Variants in EIF2AK3 observed in about 807,000 individuals in gnomAD.
The protein encoded by EIF2AK3 is eukaryotic translation initiation factor 2-alpha kinase 3.
EIF2AK3 carries 50 observed loss-of-function variants against 113.5 expected under a neutral mutation model. That is an observed-to-expected ratio of 0.44 (90% confidence interval 0.35 to 0.56). The LOEUF is 0.56. Ranked by LOEUF, EIF2AK3 falls within the 20% of genes least tolerant of loss-of-function variation. The pLI is 0.00. For missense variants in EIF2AK3, 1,185 were observed against 1,378.0 expected (o/e 0.86, Z 2.22); for synonymous variants, 448 against 495.4 (o/e 0.90, Z 1.27).
At chr2:88,573,164 GT>G (rs1220414587) in intron 13 of EIF2AK3, among the ~76,000 whole-genome samples, 4 of 143,794 alleles carry the variant, frequency 2.8e-5, no homozygotes, top group Non-Finnish European at 4.5e-5. Context: ...AAAAGGAATT[GT>G]CTTCTATTTA....
chr2:88,592,270 T>C (rs1674906749), intron 4 of EIF2AK3, among the ~76,000 whole-genome samples: 2 of 152,136 alleles, frequency 1.3e-5, no homozygotes, highest in Admixed American at 1.3e-4. Context: ...AACAGAAAGG[T>C]ATTAGGCTAA....
At chr2:88,619,284 C>T (rs1311385768) in intron 1 of EIF2AK3, among the ~76,000 whole-genome samples, 1 of 152,168 alleles carries the variant, frequency 6.6e-6, no homozygotes, top group Admixed American at 6.5e-5. Context: ...AGCCACCGTG[C>T]CCGGCCTCAC....
Position 88,579,583 on chromosome 2 carries a change from A to G in EIF2AK3, c.1821T>C (p.Val607=), listed in dbSNP as rs764494796. ...QCLGRGGFGV[V]FEAKNKVDDC... ...CATCTACTTTGTTTTTAGCTTCAAAAACAACTCCAAAGCCACCACGTCCCA... is the reference window on the plus strand; with the variant it reads ...CATCTACTTTGTTTTTAGCTTCAAAGACAACTCCAAAGCCACCACGTCCCA... Residue 607 remains valine, a synonymous_variant, in exon 11 of 17, where the codon GTT becomes GTC. Transcript: ENST00000303236. 4 of 1,613,858 alleles carry G rather than the reference A, an allele frequency of 2.5e-6. No homozygotes were observed. Among genetic ancestry groups the G allele is most frequent in the Non-Finnish European group, 3.4e-6 (4 of 1,179,846 alleles).
chr2:88,571,134 A>G, intron 13 of EIF2AK3, 93 bp from the exon 14 acceptor site: 1 of 1,387,328 alleles, frequency 7.2e-7, no homozygotes, highest in Non-Finnish European at 1.0e-6. Context: ...GAAAAAATAC[A>G]ACAAACTAGA....
Position 88,579,644 on chromosome 2 carries a change from T to C in EIF2AK3, c.1764-4A>G. On this transcript the variant is annotated splice_polypyrimidine_tract_variant and splice_region_variant and intron_variant, in intron 10 of 16. Coordinates refer to ENST00000303236, the MANE Select transcript of EIF2AK3 (RefSeq NM_004836.7). ...TGGCTCAAAATCAGTTAGATATCTT[T>C]AAAAAGAGATAAAATTTATAAAGGT... The C allele has an allele frequency of 1.9e-6, 3 of 1,612,150 alleles. No individual in the cohort carries two copies. The highest frequency in any genetic ancestry group is 2.5e-6 in the Non-Finnish European group (3 of 1,178,842).
At chr2:88,565,318 CA>C in intron 14 of EIF2AK3, among the ~76,000 whole-genome samples, 1 of 148,748 alleles carries the variant, frequency 6.7e-6, no homozygotes, top group South Asian at 2.1e-4. Flanking sequence ...TTACAGGTGT[CA>C]GCCACCATGC....
intron 2 of EIF2AK3, among the ~76,000 whole-genome samples, chr2:88,602,756 T>C (rs1314865796): frequency 6.6e-6 from 1 of 151,486 alleles, no homozygotes; most frequent in Non-Finnish European, 1.5e-5. Context: ...AACAATGAGA[T>C]CACATGGACA....
chr2:88,564,946 C>A (rs1317419608), intron 14 of EIF2AK3, among the ~76,000 whole-genome samples: 2 of 151,978 alleles, frequency 1.3e-5, no homozygotes, highest in South Asian at 2.1e-4. Context: ...GATAGAATTC[C>A]TTTTATTTGT....
chr2:88,598,745 C>T (rs867741173), intron 2 of EIF2AK3, among the ~76,000 whole-genome samples: 3 of 152,070 alleles, frequency 2.0e-5, no homozygotes, highest in Admixed American at 2.0e-4. Flanking sequence ...ACTGACAAAA[C>T]TTGCATATGG....
At chr2:88,573,169 C>A (rs1558647220) in intron 13 of EIF2AK3, among the ~76,000 whole-genome samples, 1 of 144,932 alleles carries the variant, frequency 6.9e-6, no homozygotes, top group African/African-American at 2.6e-5. Context: ...GAATTGTCTT[C>A]TATTTAGAAA....
intron 10 of EIF2AK3, among the ~76,000 whole-genome samples, chr2:88,582,881 A>G (rs1674633302): frequency 6.6e-6 from 1 of 152,178 alleles, no homozygotes; most frequent in Non-Finnish European, 1.5e-5. Context: ...AATAAACCAT[A>G]ACACCATTTC....
intron 2 of EIF2AK3, among the ~76,000 whole-genome samples, chr2:88,602,784 C>T (rs1047301941): frequency 1.3e-5 from 2 of 151,658 alleles, no homozygotes; most frequent in Non-Finnish European, 2.9e-5. Context: ...GGGAACAACA[C>T]ATACTGGGGC....
intron 12 of EIF2AK3, 110 bp downstream of exon 12, chr2:88,576,444 C>G: frequency 6.8e-7 from 1 of 1,471,120 alleles, no homozygotes; most frequent in Non-Finnish European, 9.2e-7. Context: ...AACAACAGAA[C>G]TCTGCTGTTC....
intron 8 of EIF2AK3, among the ~76,000 whole-genome samples, chr2:88,587,263 AT>A (rs200997341): frequency 1.1e-3 from 168 of 146,506 alleles, no homozygotes; most frequent in African/African-American, 3.1e-3. Context: ...GTTCAGAGCC[AT>A]TTTTTTTTAA....
intron 7 of EIF2AK3, among the ~76,000 whole-genome samples, chr2:88,588,474 G>A (rs1336528267): frequency 2.6e-5 from 4 of 152,112 alleles, no homozygotes; most frequent in Admixed American, 2.6e-4. Flanking sequence ...TATGTTAAGC[G>A]CTAAATGTTA....
At position 88,627,096 on chromosome 2, in the gene EIF2AK3, G is replaced by C. The variant is rs1456887978; in HGVS notation, c.179C>G (p.Pro60Arg). The C allele has an allele frequency of 5.2e-6, 8 of 1,547,732 alleles. No individual in the cohort carries two copies. The East Asian group carries it at 7.3e-5, about 14-fold the overall frequency. The change falls in exon 1 of 17, where the codon CCG becomes CGG. Residue 60 changes from proline to arginine, a missense_variant. Transcript: ENST00000303236. ...GGCCGCAGCCACGGCGCCCGCCGCC[G>C]GTACTCGCGTCGCTGAGGTGGGAGC... ...AAAPTSATRV[P>R]AAGAVAAAEV...
intron 2 of EIF2AK3, among the ~76,000 whole-genome samples, chr2:88,600,105 G>C (rs751503633): frequency 6.6e-6 from 1 of 152,142 alleles, no homozygotes; most frequent in Non-Finnish European, 1.5e-5. Flanking sequence ...TCTGGATTGT[G>C]ATTTTAAAAG....
intron 15 of EIF2AK3, among the ~76,000 whole-genome samples, chr2:88,561,079 C>A (rs546767066): frequency 2.7e-4 from 41 of 152,024 alleles, no homozygotes; most frequent in African/African-American, 9.4e-4. Flanking sequence ...TAGTGATCTT[C>A]CTGCCTTAGC....
In EIF2AK3 at chr2:88,556,802, T is replaced by A. The variant is rs1174187253; in HGVS notation, c.*934A>T. 1 of 152,216 alleles carries A rather than the reference T, an allele frequency of 6.6e-6. No homozygotes were observed. The highest frequency in any genetic ancestry group is 1.9e-4 in the East Asian group (1 of 5,196). 9.4% of individuals were successfully genotyped at this position (152,216 alleles called of 1,614,324 possible). The stretch of plus-strand genomic sequence containing the variant: ...TGAAAGAAGTCACAAGTTAACACAC[T>A]TAAGTGTGTTCTGTACACCACCAAC... On this transcript the variant is annotated 3_prime_UTR_variant, in exon 17 of 17. Coordinates refer to ENST00000303236, the MANE Select transcript of EIF2AK3 (RefSeq NM_004836.7).
Sources: gnomAD v4.1 joint callset for allele counts (sites outside exome capture counted in the v4.1 genomes callset) on GRCh38, gnomAD v4.1.1 for gene constraint, MANE v1.5 for transcripts, NCBI Gene and HGNC (gene_info 2026-07-23, HGNC 2026-07-21) for gene names.